SERPINE2: variants seen among roughly 807,000 people sequenced by gnomAD.
SERPINE2 encodes the protein serpin family E member 2, also known as glia-derived nexin.
SERPINE2 carries 14 observed loss-of-function variants against 36.3 expected under a neutral mutation model. The ratio of observed to expected loss-of-function variants is 0.39; its 90% CI spans 0.25 to 0.60. SERPINE2 has a LOEUF of 0.60. SERPINE2 is among the 20% of genes least tolerant of loss of function. The pLI, the probability that SERPINE2 is intolerant of heterozygous loss-of-function variation, is 0.57. For synonymous variants in SERPINE2, 192 were observed against 191.8 expected (o/e 1.00, Z -0.01); for missense variants, 418 against 499.6 (o/e 0.84, Z 1.56).
chr2:224,007,196 G>C (rs1207052404), intron 1 of SERPINE2, among the ~76,000 whole-genome samples: 2 of 152,196 alleles, frequency 1.3e-5, no homozygotes, highest in Non-Finnish European at 2.9e-5. Flanking sequence ...CAGACAGCTT[G>C]GTGGGAAAAA....
chr2:224,003,177 G>A (rs1472664468), intron 1 of SERPINE2, among the ~76,000 whole-genome samples: 2 of 152,126 alleles, frequency 1.3e-5, no homozygotes, highest in African/African-American at 4.8e-5. Flanking sequence ...CAGAGGGAGA[G>A]CAGGGCCGAG....
intron 1 of SERPINE2, among the ~76,000 whole-genome samples, chr2:224,010,069 C>A (rs1192390379): frequency 6.6e-6 from 1 of 152,104 alleles, no homozygotes; most frequent in Non-Finnish European, 1.5e-5. Context: ...GGTGAACAAG[C>A]AAACTAAAGT....
intron 1 of SERPINE2, among the ~76,000 whole-genome samples, chr2:224,005,065 T>TTATATATTTTTATATATATATATATA (rs1553547022): frequency 1.2e-4 from 4 of 33,558 alleles, no homozygotes; most frequent in Admixed American, 3.6e-4. Context: ...TTTATATATA[T>TTATATATTTTTATATATATATATATA]TATATATATA....
At chr2:224,028,417 A>T (rs1280064060) in intron 1 of SERPINE2, among the ~76,000 whole-genome samples, 1 of 152,184 alleles carries the variant, frequency 6.6e-6, no homozygotes, top group Non-Finnish European at 1.5e-5. Context: ...TTTGAAACCA[A>T]GTTTGTTTGA....
intron 5 of SERPINE2, among the ~76,000 whole-genome samples, chr2:223,983,931 T>TTATG (rs1214034035): frequency 6.6e-6 from 1 of 150,632 alleles, no homozygotes; most frequent in Non-Finnish European, 1.5e-5. Flanking sequence ...ATTTATTTAT[T>TTATG]TATATCAAGC....
At chr2:224,030,896 A>G in intron 1 of SERPINE2, 1 of 892,702 alleles carries the variant, frequency 1.1e-6, no homozygotes, top group Non-Finnish European at 1.3e-6. Flanking sequence ...TACTAATTTT[A>G]GATTTCAGTC....
chr2:224,001,120 A>C (rs1691101351), intron 2 of SERPINE2, among the ~76,000 whole-genome samples: 1 of 151,900 alleles, frequency 6.6e-6, no homozygotes, highest in Admixed American at 6.6e-5. Context: ...TTCAGATTTC[A>C]CTCATTTTCC....
At chr2:224,017,110 A>C (rs919448353) in intron 1 of SERPINE2, among the ~76,000 whole-genome samples, 1 of 152,182 alleles carries the variant, frequency 6.6e-6, no homozygotes, top group Non-Finnish European at 1.5e-5. Flanking sequence ...AAATGCACAC[A>C]CCCCAGTGAG....
intron 1 of SERPINE2, 199 bp downstream of exon 1, chr2:224,038,900 C>T (rs1692616940): frequency 5.2e-6 from 1 of 192,134 alleles, no homozygotes; most frequent in South Asian, 1.9e-4. Context: ...CACCCAGCCC[C>T]GGCCAAGGCG....
Position 224,001,688 on chromosome 2 carries a change from G to T in SERPINE2, c.213C>A (p.Gly71=). ...VLGMLQLGAD[G]RTKKQLAMVM... ...CCATGGCGAGCTGCTTCTTGGTCCT[G>T]CCGTCCGCCCCCAGCTGAAGCATCC... The change falls in exon 2 of 9, where the codon GGC becomes GGA. Residue 71 remains glycine (G), a synonymous_variant. Transcript: ENST00000409304. 1 of 1,614,136 alleles carries T rather than the reference G, an allele frequency of 6.2e-7. No individual in the cohort carries two copies. Among genetic ancestry groups the T allele is most frequent in the East Asian group, 2.2e-5 (1 of 44,864 alleles).
intron 4 of SERPINE2, among the ~76,000 whole-genome samples, chr2:223,989,951 G>A (rs1460455145): frequency 1.3e-5 from 2 of 152,176 alleles, no homozygotes; most frequent in Admixed American, 6.5e-5. Flanking sequence ...GACAAGAAAC[G>A]GTGGGCACCA....
chr2:224,022,296 T>C (rs4674852), intron 1 of SERPINE2, among the ~76,000 whole-genome samples: 140,942 of 147,390 alleles, frequency 0.96, 67,574 homozygotes, highest in Non-Finnish European at 0.99. Flanking sequence ...CACACCACTG[T>C]GCTCTAGCCT....
chr2:224,007,783 G>A (rs1323503299), intron 1 of SERPINE2, among the ~76,000 whole-genome samples: 1 of 151,954 alleles, frequency 6.6e-6, no homozygotes, highest in Non-Finnish European at 1.5e-5. Flanking sequence ...AATTTTTTCT[G>A]TTGAAAAAAA....
At chr2:223,987,501 C>T (rs16865405) in intron 4 of SERPINE2, among the ~76,000 whole-genome samples, 5,352 of 152,258 alleles carry the variant, frequency 0.035, 272 homozygotes, top group African/African-American at 0.12. Context: ...TATTCTTTAA[C>T]CTCTGGAAGG....
At chr2:224,028,471 C>A (rs1692256767) in intron 1 of SERPINE2, among the ~76,000 whole-genome samples, 1 of 152,206 alleles carries the variant, frequency 6.6e-6, no homozygotes, top group Non-Finnish European at 1.5e-5. Context: ...GACCTTCAAT[C>A]TGTGAGGCCG....
intron 8 of SERPINE2, among the ~76,000 whole-genome samples, chr2:223,976,646 C>G (rs896799794): frequency 1.3e-5 from 2 of 152,224 alleles, no homozygotes; most frequent in African/African-American, 2.4e-5. Flanking sequence ...CTTGTACCAA[C>G]AAGAAGCCAA....
At chr2:224,023,375 A>G (rs1692077774) in intron 1 of SERPINE2, among the ~76,000 whole-genome samples, 1 of 152,198 alleles carries the variant, frequency 6.6e-6, no homozygotes, top group Non-Finnish European at 1.5e-5. Flanking sequence ...ACACCATACA[A>G]ATAAAATGCA....
intron 1 of SERPINE2, among the ~76,000 whole-genome samples, chr2:224,002,560 T>G (rs1418939654): frequency 6.6e-6 from 1 of 152,020 alleles, no homozygotes; most frequent in Non-Finnish European, 1.5e-5. Flanking sequence ...TGGCGCAATC[T>G]CGGCTCACTG....
chr2:223,995,564 C>T (rs1417456536), intron 3 of SERPINE2, among the ~76,000 whole-genome samples: 1 of 152,234 alleles, frequency 6.6e-6, no homozygotes, highest in Admixed American at 6.5e-5. Flanking sequence ...TATCTGAGCC[C>T]AGAACCTCGT....
Sources: allele counts gnomAD v4.1 joint callset (sites outside exome capture counted in the v4.1 genomes callset), GRCh38; gene constraint gnomAD v4.1.1; transcripts MANE v1.5; gene names NCBI Gene and HGNC (gene_info 2026-07-23, HGNC 2026-07-21).